Variants in TRIO observed in about 807,000 individuals in gnomAD.
The protein encoded by TRIO is trio Rho guanine nucleotide exchange factor.
A neutral mutation model predicts 351.9 loss-of-function variants in TRIO; 58 were observed. The ratio of observed to expected loss-of-function variants is 0.16; its 90% confidence interval spans 0.13 to 0.21. The LOEUF (loss-of-function observed/expected upper bound fraction) is 0.21. Ranked by LOEUF, TRIO falls within the 10% of genes least tolerant of loss-of-function variation. The pLI is 1.00. For missense variants in TRIO, 3,201 were observed against 4,027.8 expected (o/e 0.79, Z 5.56); for synonymous variants, 1,758 against 1,595.7 (o/e 1.10, Z -2.42).
At chr5:14,307,637 G>C (rs545002805) in intron 8 of TRIO, among the ~76,000 whole-genome samples, 1 of 152,194 alleles carries the variant, frequency 6.6e-6, no homozygotes, top group Admixed American at 6.5e-5. Context: ...GTGTCTGCAG[G>C]GTTTCTCCAA....
intron 49 of TRIO, among the ~76,000 whole-genome samples, chr5:14,494,876 G>A (rs1157907291): frequency 1.3e-5 from 2 of 152,202 alleles, no homozygotes; most frequent in Non-Finnish European, 2.9e-5. Flanking sequence ...TCCAGCCTGG[G>A]CAGCAGAGTG....
Position 14,230,340 on chromosome 5 carries a change from T to TTGTGTGTGTGTGTGTGTGTG in TRIO, c.158-40469_158-40450dup, listed in dbSNP as rs59717445. ...GAAATTGGAAAGTCAGGCAAGATGTTTGTGTGTGTGTGTGTGTGTGTGTGT... is the reference window on the plus strand; with the variant it reads ...GAAATTGGAAAGTCAGGCAAGATGTTTGTGTGTGTGTGTGTGTGTGTGTGTGTGTGTGTGTGTGTGTGTGT... On this transcript the variant is annotated intron_variant, in intron 1 of 56. Transcript: ENST00000344204. Among the ~76,000 whole-genome samples the TTGTGTGTGTGTGTGTGTGTG allele has an allele frequency of 3.1e-3, 455 of 149,110 alleles. 2 individuals are homozygous for TTGTGTGTGTGTGTGTGTGTG. The highest frequency in any genetic ancestry group is 0.011 in the African/African-American group (442 of 39,880).
At chr5:14,205,777 G>A (rs1422339848) in intron 1 of TRIO, among the ~76,000 whole-genome samples, 1 of 152,160 alleles carries the variant, frequency 6.6e-6, no homozygotes, top group Admixed American at 6.5e-5. Context: ...CTGTCACCCG[G>A]GCTGGAGTGC....
chr5:14,324,722 GCT>G (rs1471376363), intron 9 of TRIO, among the ~76,000 whole-genome samples: 2 of 152,126 alleles, frequency 1.3e-5, no homozygotes, highest in African/African-American at 2.4e-5. Context: ...ATTAAAGTCT[GCT>G]CTCTTTTTAT....
intron 55 of TRIO, among the ~76,000 whole-genome samples, chr5:14,505,303 A>C (rs928179893): frequency 6.6e-6 from 1 of 152,180 alleles, no homozygotes; most frequent in African/African-American, 2.4e-5. Context: ...ATGCCACCCA[A>C]CCTCCTGCAA....
At chr5:14,479,438 A>G (rs1435915857) in intron 42 of TRIO, 88 bp downstream of exon 42, 3 of 1,214,754 alleles carry the variant, frequency 2.5e-6, no homozygotes, top group Non-Finnish European at 3.5e-6. Context: ...GTTTCCCAGG[A>G]GACTAATTTC....
intron 55 of TRIO, 50 bp downstream of exon 55, chr5:14,504,643 A>AG (rs1458105757): frequency 6.3e-7 from 1 of 1,591,248 alleles, no homozygotes; most frequent in Non-Finnish European, 8.6e-7. Context: ...CCTCCACCTC[A>AG]GGGGGTTTTG....
intron 33 of TRIO, among the ~76,000 whole-genome samples, chr5:14,418,557 GAA>G (rs1458048044): frequency 1.3e-5 from 2 of 152,118 alleles, no homozygotes; most frequent in Non-Finnish European, 2.9e-5. Flanking sequence ...AACACCGGAA[GAA>G]AAAGAGATTT....
In TRIO at chr5:14,372,089, C is replaced by T. The variant is rs759605311; in HGVS notation, c.3217-2140C>T. ...TTATTAATTGAAGAAATACGTTCCT[C>T]GGATTGAGGCATTTCCCCCATTCCA... is the stretch of plus-strand genomic sequence containing the variant. On this transcript the variant is annotated intron_variant, in intron 18 of 56. Transcript: ENST00000344204. Among the ~76,000 whole-genome samples, 4 of 152,250 alleles carry T rather than the reference C, an allele frequency of 2.6e-5. 1 individual carries two copies. The highest frequency in any genetic ancestry group is 1.3e-4 in the Admixed American group (2 of 15,296).
In TRIO at chr5:14,357,015, C is replaced by T. The variant is rs181137024; in HGVS notation, c.2047-1163C>T. ...AGCTTTGAGGTGAGGGAGAGGCTCA[C>T]GGTGAAGTGGGTATAGACAAATGTC... On this transcript the variant is annotated intron_variant, in intron 11 of 56. Transcript: ENST00000344204. Among the ~76,000 whole-genome samples, 51 of 152,308 alleles carry T rather than the reference C, an allele frequency of 3.3e-4. 1 individual carries two copies. In the East Asian group the frequency reaches 8.7e-3, roughly 26 times the overall value.
chr5:14,406,690 C>G lies in TRIO; in HGVS notation c.4959+18C>G, dbSNP rs755018578. ...GCGATAAGGTGAGTCACTGCCGGCA[C>G]TTTGTGTGCGGAGGGGAATGTGGCC... On this transcript the variant is annotated intron_variant, in intron 33 of 56. Transcript: ENST00000344204. 8 of 1,612,278 alleles carry G rather than the reference C, an allele frequency of 5.0e-6. No homozygotes were observed. The highest frequency in any genetic ancestry group is 6.8e-6 in the Non-Finnish European group (8 of 1,178,696).
intron 49 of TRIO, among the ~76,000 whole-genome samples, chr5:14,493,317 C>T (rs752483251): frequency 3.3e-5 from 5 of 151,828 alleles, no homozygotes; most frequent in African/African-American, 9.7e-5. Flanking sequence ...CTTTTTTACA[C>T]GAGTTTTGTG....
intron 48 of TRIO, chr5:14,492,244 A>T (rs1366044866): frequency 1.1e-5 from 4 of 355,862 alleles, no homozygotes; most frequent in Non-Finnish European, 2.1e-5. Context: ...ACGTGGCGTC[A>T]GCAGGAGGAC....
intron 7 of TRIO, among the ~76,000 whole-genome samples, chr5:14,298,446 A>C (rs1191870983): frequency 2.0e-5 from 3 of 152,324 alleles, no homozygotes; most frequent in Admixed American, 2.0e-4. Context: ...AAAAGGAAAA[A>C]TATCAGTATA....
At chr5:14,411,567 T>A (rs1749207864) in intron 33 of TRIO, among the ~76,000 whole-genome samples, 1 of 150,652 alleles carries the variant, frequency 6.6e-6, no homozygotes, top group South Asian at 2.1e-4. Flanking sequence ...AACATGAATA[T>A]ATGGATTCAC....
chr5:14,259,837 G>C (rs1409972204), intron 1 of TRIO, among the ~76,000 whole-genome samples: 1 of 152,034 alleles, frequency 6.6e-6, no homozygotes, highest in East Asian at 1.9e-4. Context: ...TCTTACGGGG[G>C]TTCTTAGACT....
Position 14,481,292 on chromosome 5 carries a change from C to A in TRIO, c.6387+8C>A. 1 of 1,613,386 alleles carries A rather than the reference C, an allele frequency of 6.2e-7. No individual in the cohort carries two copies. Among genetic ancestry groups the A allele is most frequent in the East Asian group, 2.2e-5 (1 of 44,888 alleles). On this transcript the variant is annotated splice_region_variant and intron_variant, in intron 44 of 56. Coordinates refer to ENST00000344204, the MANE Select transcript of TRIO (RefSeq NM_007118.4). The stretch of plus-strand genomic sequence containing the variant: ...GATACATCAGAATTAGAGGTACATG[C>A]ATCAGCGGCTGTGGGCACCCAAATC...
intron 34 of TRIO, among the ~76,000 whole-genome samples, chr5:14,421,073 T>C (rs1307175947): frequency 6.6e-6 from 1 of 152,140 alleles, no homozygotes; most frequent in Non-Finnish European, 1.5e-5. Flanking sequence ...ACCTGGAAAG[T>C]CACTCTGCCC....
intron 18 of TRIO, among the ~76,000 whole-genome samples, chr5:14,371,795 C>G (rs566063847): frequency 6.6e-6 from 1 of 152,092 alleles, no homozygotes; most frequent in African/African-American, 2.4e-5. Flanking sequence ...CACTTGCCAC[C>G]ACACCTGGCT....
Sources: gnomAD v4.1 joint callset for allele counts (sites outside exome capture counted in the v4.1 genomes callset) on GRCh38, gnomAD v4.1.1 for gene constraint, MANE v1.5 for transcripts, NCBI Gene and HGNC (gene_info 2026-07-23, HGNC 2026-07-21) for gene names.